The following TMEM120B variants were observed in gnomAD, a reference collection of about 807,000 sequenced individuals.
The protein encoded by TMEM120B is transmembrane protein 120B.
In TMEM120B, 31 loss-of-function variants were observed where a neutral mutation model predicts 55.5. The ratio of observed to expected loss-of-function variants is 0.56; its 90% CI spans 0.42 to 0.75. The LOEUF is 0.75. Ranked by LOEUF, TMEM120B falls within the 30% of genes least tolerant of loss-of-function variation. The probability of loss-of-function intolerance (pLI) is 0.00; values close to 1 mark genes in which losing one functional copy is unlikely to be tolerated. For synonymous variants in TMEM120B, 203 were observed against 176.3 expected (o/e 1.15, Z -1.20); for missense variants, 399 against 425.5 (o/e 0.94, Z 0.55).
chr12:121,731,237 T>G (rs1894997447), intron 1 of TMEM120B, among the ~76,000 whole-genome samples: 1 of 152,084 alleles, frequency 6.6e-6, no homozygotes, highest in East Asian at 1.9e-4. Flanking sequence ...TTTTCTGTGT[T>G]TAGATACATT....
At chr12:121,751,034 CAAACT>C in intron 4 of TMEM120B, among the ~76,000 whole-genome samples, 1 of 127,020 alleles carries the variant, frequency 7.9e-6, no homozygotes, top group African/African-American at 3.0e-5. Flanking sequence ...ACCCACACCC[CAAACT>C]GACACCCACT....
intron 1 of TMEM120B, among the ~76,000 whole-genome samples, chr12:121,722,100 CTT>C (rs35866737): frequency 1.0e-3 from 124 of 118,920 alleles, no homozygotes; most frequent in East Asian, 2.7e-3. Context: ...CACACCTGGC[CTT>C]TTTTTTTTTT....
At chr12:121,729,189 C>T (rs2720034) in intron 1 of TMEM120B, among the ~76,000 whole-genome samples, 31,620 of 152,180 alleles carry the variant, frequency 0.21, 3,480 homozygotes, top group East Asian at 0.37. Context: ...AGCCTCCATC[C>T]GGCCAGCTGG....
chr12:121,730,817 G>A (rs573981460), intron 1 of TMEM120B, among the ~76,000 whole-genome samples: 2 of 151,534 alleles, frequency 1.3e-5, no homozygotes, highest in Non-Finnish European at 2.9e-5. Context: ...AATTAGCTGG[G>A]CATGGTGGCA....
intron 5 of TMEM120B, among the ~76,000 whole-genome samples, chr12:121,755,528 T>C (rs997758475): frequency 6.6e-6 from 1 of 152,060 alleles, no homozygotes; most frequent in African/African-American, 2.4e-5. Flanking sequence ...TTGGCTCGAG[T>C]GGGCTTGGGT....
intron 1 of TMEM120B, among the ~76,000 whole-genome samples, chr12:121,719,951 C>T (rs1031130707): frequency 2.6e-5 from 4 of 152,168 alleles, no homozygotes; most frequent in African/African-American, 7.2e-5. Flanking sequence ...CTGCCCACCT[C>T]GGCCTCCCAG....
Position 121,781,425 on chromosome 12 carries a change from C to T in TMEM120B, c.*5703C>T, listed in dbSNP as rs1592955678. On this transcript the variant is annotated 3_prime_UTR_variant, in exon 12 of 12. Transcript: ENST00000449592. The stretch of plus-strand genomic sequence containing the variant: ...GGTCAAGGCTACAGTGAGCCGTGAT[C>T]ATGCCACTGCACTCCAGCCTGGGTG... The T allele has an allele frequency of 8.1e-6, 4 of 492,386 alleles. No individual in the cohort carries two copies. In the East Asian group the frequency reaches 1.1e-4, roughly 14 times the overall value. The allele number at this position is 492,386 out of a possible 1,614,324, so 30.5% of individuals were successfully genotyped here.
rs765875480 is a variant in TMEM120B at position 121,775,926 on chromosome 12, G to A, written c.*204G>A. ...CCTATTTATGACATATTTAATGCTG[G>A]GTCCCCCATCGTCCCTGGAACCCGA... On this transcript the variant is annotated 3_prime_UTR_variant, in exon 12 of 12. Transcript: ENST00000449592. This position sits in a 1 kb window ranked among gnomAD's most constrained non-coding sequence, Gnocchi z 4.3. 3.2e-6 allele frequency: 2 copies of A among 627,978 alleles called. No homozygotes were observed. The highest frequency in any genetic ancestry group is 5.6e-6 in the Non-Finnish European group (2 of 356,456). 38.9% of individuals were successfully genotyped at this position (627,978 alleles called of 1,614,324 possible). A position where few individuals can be genotyped will look rare whatever the true frequency, so the allele number is the denominator to read the frequency against.
intron 1 of TMEM120B, among the ~76,000 whole-genome samples, chr12:121,716,828 T>C (rs747846173): frequency 3.9e-5 from 6 of 152,186 alleles, no homozygotes; most frequent in African/African-American, 7.2e-5. Flanking sequence ...CCCAAAGTGC[T>C]GGGATTACAG....
chr12:121,776,238 A>C lies in TMEM120B; in HGVS notation c.*516A>C. On this transcript the variant is annotated 3_prime_UTR_variant, in exon 12 of 12. Transcript: ENST00000449592. ...CCCGCCACGTGGTGAGGGTTATTTT[A>C]AGTTCTCAGAGACCCACCGCGTCTG... The C allele has an allele frequency of 4.6e-6, 1 of 215,236 alleles. No individual in the cohort carries two copies. 13.3% of individuals were successfully genotyped at this position (215,236 alleles called of 1,614,324 possible).
chr12:121,730,672 A>C (rs912368304), intron 1 of TMEM120B, among the ~76,000 whole-genome samples: 11 of 149,918 alleles, frequency 7.3e-5, no homozygotes, highest in Non-Finnish European at 1.6e-4. Flanking sequence ...AACAAACAAA[A>C]AAAAACCGGG....
intron 8 of TMEM120B, among the ~76,000 whole-genome samples, chr12:121,772,097 CTCTT>C (rs201262019): frequency 0.018 from 2,439 of 136,604 alleles, 86 homozygotes; most frequent in African/African-American, 0.067. Flanking sequence ...CTCTCTCTCT[CTCTT>C]TCTCTCTTTC....
chr12:121,726,907 C>CAA (rs71305665), intron 1 of TMEM120B, among the ~76,000 whole-genome samples: 32 of 73,708 alleles, frequency 4.3e-4, no homozygotes, highest in Non-Finnish European at 6.0e-4. Flanking sequence ...GACTCTGTCT[C>CAA]AAAAAAAAAA....
intron 8 of TMEM120B, among the ~76,000 whole-genome samples, chr12:121,772,710 A>G (rs1453293195): frequency 6.6e-6 from 1 of 152,240 alleles, no homozygotes; most frequent in Non-Finnish European, 1.5e-5. Flanking sequence ...GGCATGAGCC[A>G]TCACGCCTGG....
In TMEM120B at chr12:121,740,644, G is replaced by A. The variant is rs1202931412; in HGVS notation, c.70-2985G>A. ...AGGAGTAGCAGGAGGAGGAAGAGGAGGGCTTGGTCTTGCTGTCTCGGGGTG... is the reference window on the plus strand; with the variant it reads ...AGGAGTAGCAGGAGGAGGAAGAGGAAGGCTTGGTCTTGCTGTCTCGGGGTG... On this transcript the variant is annotated intron_variant, in intron 1 of 11. Transcript: ENST00000449592. 4.6e-5 allele frequency among the ~76,000 whole-genome samples: 7 copies of A among 152,186 alleles called. No homozygotes were observed. The East Asian group carries it at 1.4e-3, about 29-fold the overall frequency.
chr12:121,717,102 G>A (rs1346326769), intron 1 of TMEM120B, among the ~76,000 whole-genome samples: 1 of 152,182 alleles, frequency 6.6e-6, no homozygotes, highest in Non-Finnish European at 1.5e-5. Flanking sequence ...GGGGTTTCAG[G>A]CATGCTGGTG....
chr12:121,752,255 G>C (rs756369061), intron 5 of TMEM120B, 32 bp downstream of exon 5: 1 of 1,590,846 alleles, frequency 6.3e-7, no homozygotes, highest in South Asian at 1.1e-5. Flanking sequence ...GCCTGGGCCT[G>C]GGCATGCAGA....
At chr12:121,738,007 C>T (rs1444261981) in intron 1 of TMEM120B, among the ~76,000 whole-genome samples, 1 of 137,210 alleles carries the variant, frequency 7.3e-6, no homozygotes, top group Non-Finnish European at 1.6e-5. Context: ...GAGACCCTGT[C>T]TCCACAAAAA....
At chr12:121,753,030 TC>T (rs1450277669) in intron 5 of TMEM120B, among the ~76,000 whole-genome samples, 19 of 152,018 alleles carry the variant, frequency 1.2e-4, no homozygotes, top group African/African-American at 4.3e-4. Context: ...ACTGTTTGAG[TC>T]CAGGAGTTTG....
Sources: gnomAD v4.1 joint callset for allele counts (sites outside exome capture counted in the v4.1 genomes callset) on GRCh38, gnomAD v4.1.1 for gene constraint, Gnocchi (gnomAD v3.1) non-coding constraint, MANE v1.5 for transcripts, NCBI Gene and HGNC (gene_info 2026-07-23, HGNC 2026-07-21) for gene names.